PLD5: variants seen among roughly 807,000 people sequenced by gnomAD.
The protein encoded by PLD5 is phospholipase D family member 5.
PLD5 carries 36 observed loss-of-function variants against 61.1 expected under a neutral mutation model. The observed-to-expected ratio is 0.59, with a 90% CI of 0.45 to 0.78. The LOEUF is 0.78. PLD5 is among the 30% of genes least tolerant of loss of function. The probability of loss-of-function intolerance (pLI) is 0.00; values close to 1 mark genes in which losing one functional copy is unlikely to be tolerated. For synonymous variants in PLD5, 243 were observed against 242.8 expected (o/e 1.00, Z -0.01); for missense variants, 515 against 644.4 (o/e 0.80, Z 2.17).
intron 4 of PLD5, among the ~76,000 whole-genome samples, chr1:242,228,066 A>AG (rs1671066766): frequency 1.3e-5 from 2 of 152,212 alleles, no homozygotes; most frequent in African/African-American, 4.8e-5. Flanking sequence ...AAAATGGAAT[A>AG]TTAGATTCTG....
intron 9 of PLD5, among the ~76,000 whole-genome samples, chr1:242,093,164 C>T (rs551431763): frequency 4.3e-4 from 65 of 152,256 alleles, no homozygotes; most frequent in Non-Finnish European, 7.2e-4. Context: ...GCCAAGGTGG[C>T]GTTCCTGATC....
chr1:242,163,648 C>T (rs1666070539), intron 5 of PLD5, among the ~76,000 whole-genome samples: 1 of 152,188 alleles, frequency 6.6e-6, no homozygotes, highest in African/African-American at 2.4e-5. Flanking sequence ...TTCATTCTAT[C>T]TCCCAGCATT....
At chr1:242,157,384 T>G (rs180857096) in intron 5 of PLD5, among the ~76,000 whole-genome samples, 1 of 152,296 alleles carries the variant, frequency 6.6e-6, no homozygotes, top group Non-Finnish European at 1.5e-5. Flanking sequence ...CTCTGTCCAG[T>G]TTTGCTCCCT....
At chr1:242,247,000 T>C (rs1672413515) in intron 4 of PLD5, among the ~76,000 whole-genome samples, 1 of 101,784 alleles carries the variant, frequency 9.8e-6, no homozygotes. Context: ...TTTTTTTTTT[T>C]TGAGACGGAG....
At chr1:242,209,746 C>G (rs971765784) in intron 5 of PLD5, among the ~76,000 whole-genome samples, 1 of 152,176 alleles carries the variant, frequency 6.6e-6, no homozygotes, top group East Asian at 1.9e-4. Context: ...CCATTGGTCT[C>G]TAAGTTTCAA....
intron 1 of PLD5, among the ~76,000 whole-genome samples, chr1:242,389,986 C>G (rs1662830472): frequency 6.7e-6 from 1 of 149,170 alleles, no homozygotes; most frequent in Admixed American, 6.7e-5. Flanking sequence ...GTATCAAATA[C>G]TCTGCTAGGA....
At chr1:242,419,886 G>A (rs1458483313) in intron 1 of PLD5, among the ~76,000 whole-genome samples, 1 of 152,174 alleles carries the variant, frequency 6.6e-6, no homozygotes, top group Non-Finnish European at 1.5e-5. Context: ...CTATCAGCCA[G>A]CTTTTAATCC....
At chr1:242,220,671 T>A (rs1337028815) in intron 4 of PLD5, among the ~76,000 whole-genome samples, 1 of 151,574 alleles carries the variant, frequency 6.6e-6, no homozygotes, top group Admixed American at 6.6e-5. Flanking sequence ...GTTTGGTCTC[T>A]TCTTCATCTT....
intron 2 of PLD5, among the ~76,000 whole-genome samples, chr1:242,312,260 G>T: frequency 6.7e-6 from 1 of 148,728 alleles, no homozygotes. Flanking sequence ...TTAATGTCTT[G>T]CGATCTTTTG....
chr1:242,405,702 A>G lies in PLD5; in HGVS notation c.190-57460T>C, dbSNP rs571622233. Among the ~76,000 whole-genome samples the G allele has an allele frequency of 3.3e-5, 5 of 152,192 alleles. No homozygotes were observed. In the East Asian group the frequency reaches 9.7e-4, roughly 29 times the overall value. ...CTGCAACCTCTGCCTATAAGGTTCA[A>G]GCAATTCTCCTGCCTCAGCCTCCCA... On this transcript the variant is annotated intron_variant, in intron 1 of 9. Coordinates refer to ENST00000536534, the MANE Select transcript of PLD5 (RefSeq NM_001372062.1).
intron 1 of PLD5, among the ~76,000 whole-genome samples, chr1:242,392,190 G>A (rs908705348): frequency 6.6e-6 from 1 of 152,170 alleles, no homozygotes; most frequent in Admixed American, 6.6e-5. Flanking sequence ...CTCACCTACA[G>A]GTGGGAGCTA....
At position 242,113,925 on chromosome 1, in the gene PLD5, C is replaced by T. The variant is rs1269360784; in HGVS notation, c.1035G>A (p.Met345Ile). 6.2e-7 allele frequency: 1 copy of T among 1,613,578 alleles called. No individual in the cohort carries two copies. The highest frequency in any genetic ancestry group is 1.7e-5 in the Admixed American group (1 of 59,900). ...DAKQYVYIAV[M>I]DYLPISSTST... Reference sequence around the variant, plus strand: ...TTGTGCTGGAGATAGGCAGGTAGTCCATGACAGCGATGTACACATACTGCT... The same window carrying T: ...TTGTGCTGGAGATAGGCAGGTAGTCTATGACAGCGATGTACACATACTGCT... Residue 345 changes from methionine (M) to isoleucine (I), a missense_variant, in exon 7 of 10, where the codon ATG becomes ATA. By Grantham distance (10) the Met-to-Ile change is conservative. Transcript: ENST00000536534.
chr1:242,098,720 C>T (rs12735815), intron 9 of PLD5, among the ~76,000 whole-genome samples: 13,559 of 152,184 alleles, frequency 0.089, 726 homozygotes, highest in Non-Finnish European at 0.12. Flanking sequence ...ATGATGGTGA[C>T]GTACAGATGG....
chr1:242,128,995 G>C (rs1663023201), intron 5 of PLD5, among the ~76,000 whole-genome samples: 1 of 152,192 alleles, frequency 6.6e-6, no homozygotes. Context: ...ATCATTCTGA[G>C]TGATGTTTGT....
intron 1 of PLD5, among the ~76,000 whole-genome samples, chr1:242,396,921 G>A (rs1430246078): frequency 4.0e-5 from 6 of 151,704 alleles, no homozygotes; most frequent in East Asian, 1.9e-4. Flanking sequence ...CTTGTGATCC[G>A]CCCGCCTCAG....
At chr1:242,419,374 G>A (rs1665004116) in intron 1 of PLD5, among the ~76,000 whole-genome samples, 1 of 148,306 alleles carries the variant, frequency 6.7e-6, no homozygotes, top group African/African-American at 2.5e-5. Flanking sequence ...GCTGAGTGCA[G>A]TCCTGATTTT....
intron 1 of PLD5, among the ~76,000 whole-genome samples, chr1:242,447,028 T>C (rs1261226961): frequency 1.3e-5 from 2 of 152,310 alleles, no homozygotes; most frequent in African/African-American, 2.4e-5. Flanking sequence ...TTTTAAAATA[T>C]GTATTTAAAA....
At chr1:242,215,043 A>G (rs560035970) in intron 5 of PLD5, among the ~76,000 whole-genome samples, 29 of 120,582 alleles carry the variant, frequency 2.4e-4, no homozygotes, top group African/African-American at 8.8e-4. Flanking sequence ...TGCCTGGCCA[A>G]TTTTTTTTTT....
chr1:242,109,529 T>G (rs906769743), intron 7 of PLD5, among the ~76,000 whole-genome samples: 2 of 152,088 alleles, frequency 1.3e-5, no homozygotes, highest in South Asian at 4.1e-4. Context: ...AAGTGGAAGC[T>G]CCACAAAGTC....
Sources: allele counts gnomAD v4.1 joint callset (sites outside exome capture counted in the v4.1 genomes callset), GRCh38; gene constraint gnomAD v4.1.1; transcripts MANE v1.5; gene names NCBI Gene and HGNC (gene_info 2026-07-23, HGNC 2026-07-21).